Variants in GLIS1 observed in about 807,000 individuals in gnomAD.
GLIS1 encodes the protein zinc finger protein GLIS1.
GLIS1 carries 24 observed loss-of-function variants against 63.8 expected under a neutral mutation model. That is an observed-to-expected ratio of 0.38 (90% CI 0.27 to 0.53). The LOEUF is 0.53. Ranked by LOEUF, GLIS1 falls within the 20% of genes least tolerant of loss-of-function variation. The pLI is 0.85. For synonymous variants in GLIS1, 450 were observed against 482.5 expected, an observed-to-expected ratio of 0.93 and a Z score of 0.88; for missense variants, 1,036 against 1,074.1, an observed-to-expected ratio of 0.96 and a Z score of 0.50.
intron 2 of GLIS1, among the ~76,000 whole-genome samples, chr1:53,628,058 A>G (rs1645614006): frequency 6.6e-6 from 1 of 152,178 alleles, no homozygotes; most frequent in Admixed American, 6.5e-5. Flanking sequence ...CAGCAAGGGT[A>G]TGAGCACTCC....
At chr1:53,732,709 CTT>C (rs1479816675) in intron 2 of GLIS1, among the ~76,000 whole-genome samples, 1 of 151,744 alleles carries the variant, frequency 6.6e-6, no homozygotes, top group African/African-American at 2.4e-5. Context: ...AACTGAATGT[CTT>C]TGTTTCTTTA....
At chr1:53,665,181 G>C (rs888857914) in intron 2 of GLIS1, among the ~76,000 whole-genome samples, 4 of 152,128 alleles carry the variant, frequency 2.6e-5, no homozygotes, top group Admixed American at 2.6e-4. Context: ...ACAAAAATGG[G>C]TCAGATTTGG....
intron 8 of GLIS1, among the ~76,000 whole-genome samples, chr1:53,512,356 G>A (rs186249103): frequency 3.6e-4 from 55 of 152,250 alleles, no homozygotes; most frequent in Admixed American, 2.9e-3. Context: ...TTCATACCTC[G>A]CACAAGGCTG....
Position 53,717,242 on chromosome 1 carries a change from C to T in GLIS1, c.259+20564G>A, listed in dbSNP as rs545182007. ...TCAATAAAATGGGCATAATAATAAT[C>T]TCTATCACCTCTTTGATGTGAGGAT... On this transcript the variant is annotated intron_variant, in intron 2 of 10. Coordinates refer to ENST00000628545, the MANE Select transcript of GLIS1 (RefSeq NM_001367484.1). 9.4e-4 allele frequency among the ~76,000 whole-genome samples: 143 copies of T among 152,308 alleles called. 3 individuals are homozygous for T. The highest frequency in any genetic ancestry group is 6.2e-4 in the South Asian group (3 of 4,824).
chr1:53,543,301 T>C (rs985687903), intron 4 of GLIS1, among the ~76,000 whole-genome samples: 3 of 152,182 alleles, frequency 2.0e-5, no homozygotes, highest in African/African-American at 7.2e-5. Context: ...CTGCCGCTGA[T>C]GGGCGCCCTC....
intron 4 of GLIS1, among the ~76,000 whole-genome samples, chr1:53,591,803 T>C (rs1166256799): frequency 6.6e-6 from 1 of 152,232 alleles, no homozygotes. Context: ...AGTGTTCTCA[T>C]GGGAGCAAGT....
At chr1:53,666,201 T>C (rs1260697844) in intron 2 of GLIS1, among the ~76,000 whole-genome samples, 2 of 152,192 alleles carry the variant, frequency 1.3e-5, no homozygotes, top group African/African-American at 4.8e-5. Flanking sequence ...AGTCACCTGT[T>C]AACTGAGCAC....
chr1:53,584,251 C>T lies in GLIS1; in HGVS notation c.1320+9857G>A, dbSNP rs983940086. 6.6e-5 allele frequency among the ~76,000 whole-genome samples: 10 copies of T among 152,216 alleles called. 1 individual carries two copies. The highest frequency in any genetic ancestry group is 5.9e-4 in the Admixed American group (9 of 15,280). Reference sequence around the variant, plus strand: ...CACAGTCCAATTTCCTTACACTAGACCTTGAGGCCCTTTGAGGCTCAATTC... The same window carrying T: ...CACAGTCCAATTTCCTTACACTAGATCTTGAGGCCCTTTGAGGCTCAATTC... On this transcript the variant is annotated intron_variant, in intron 4 of 10. Transcript: ENST00000628545.
intron 2 of GLIS1, among the ~76,000 whole-genome samples, chr1:53,635,580 A>C (rs1300595721): frequency 6.6e-6 from 1 of 152,128 alleles, no homozygotes; most frequent in Non-Finnish European, 1.5e-5. Context: ...TAGCAAGAGA[A>C]ACTATAAAGG....
At chr1:53,528,547 T>TC (rs532124095) in intron 5 of GLIS1, among the ~76,000 whole-genome samples, 15 of 151,722 alleles carry the variant, frequency 9.9e-5, no homozygotes, top group Non-Finnish European at 1.8e-4. Flanking sequence ...ATACAGAGTG[T>TC]CCCCCCCAGG....
chr1:53,509,350 A>G (rs1644273115), intron 9 of GLIS1, 63 bp from the exon 10 acceptor site: 1 of 1,430,646 alleles, frequency 7.0e-7, no homozygotes, highest in Non-Finnish European at 9.5e-7. Flanking sequence ...AGGGAGGGGA[A>G]CATCCTTGCT....
At chr1:53,605,832 A>G (rs1645364489) in intron 2 of GLIS1, among the ~76,000 whole-genome samples, 1 of 152,180 alleles carries the variant, frequency 6.6e-6, no homozygotes, top group African/African-American at 2.4e-5. Context: ...TCATTCCCTC[A>G]TTCCCAGCAC....
intron 2 of GLIS1, among the ~76,000 whole-genome samples, chr1:53,628,353 G>C (rs1295702811): frequency 6.6e-6 from 1 of 152,154 alleles, no homozygotes; most frequent in African/African-American, 2.4e-5. Context: ...CCACACAGTA[G>C]ATGCTCAACG....
chr1:53,551,828 G>A (rs1281293941), intron 4 of GLIS1, among the ~76,000 whole-genome samples: 17 of 152,006 alleles, frequency 1.1e-4, no homozygotes, highest in Non-Finnish European at 1.2e-4. Flanking sequence ...GGTGGTTCCT[G>A]CCTCTGGGCC....
chr1:53,681,000 T>C (rs1646269358), intron 2 of GLIS1, among the ~76,000 whole-genome samples: 1 of 152,228 alleles, frequency 6.6e-6, no homozygotes, highest in African/African-American at 2.4e-5. Flanking sequence ...ATCTCAACCC[T>C]GGACACAGCT....
At chr1:53,713,552 A>G (rs923238364) in intron 2 of GLIS1, among the ~76,000 whole-genome samples, 1 of 152,194 alleles carries the variant, frequency 6.6e-6, no homozygotes, top group Non-Finnish European at 1.5e-5. Flanking sequence ...TCGTCTCTTC[A>G]AGACCAGCCT....
intron 2 of GLIS1, among the ~76,000 whole-genome samples, chr1:53,657,865 TA>T (rs1035933515): frequency 1.6e-4 from 24 of 152,306 alleles, no homozygotes; most frequent in Middle Eastern, 3.4e-3. Context: ...GCTAGGCTGT[TA>T]AGCAGATCAT....
chr1:53,597,480 T>C (rs1645270835), intron 3 of GLIS1, among the ~76,000 whole-genome samples: 1 of 151,666 alleles, frequency 6.6e-6, no homozygotes, highest in African/African-American at 2.4e-5. Flanking sequence ...GAGGACTGAA[T>C]ACAAGAATGT....
intron 4 of GLIS1, among the ~76,000 whole-genome samples, chr1:53,576,751 C>T (rs774352659): frequency 8.5e-5 from 13 of 152,182 alleles, no homozygotes; most frequent in East Asian, 1.9e-4. Flanking sequence ...CAAACACACA[C>T]GCCTGCATAC....
Sources: gnomAD v4.1 joint callset for allele counts (sites outside exome capture counted in the v4.1 genomes callset) on GRCh38, gnomAD v4.1.1 for gene constraint, MANE v1.5 for transcripts, NCBI Gene and HGNC (gene_info 2026-07-23, HGNC 2026-07-21) for gene names.